HECW1: variants seen among roughly 807,000 people sequenced by gnomAD.
HECW1 encodes E3 ubiquitin-protein ligase HECW1.
A neutral mutation model predicts 182.3 loss-of-function variants in HECW1; 61 were observed. The ratio of observed to expected loss-of-function variants is 0.33; its 90% CI spans 0.27 to 0.41. The LOEUF (loss-of-function observed/expected upper bound fraction) is 0.41. Ranked by LOEUF, HECW1 falls within the 10% of genes least tolerant of loss-of-function variation. HECW1 has a pLI of 1.00. For missense variants in HECW1, 1,739 were observed against 2,108.9 expected (o/e 0.82, Z 3.44); for synonymous variants, 859 against 832.6 (o/e 1.03, Z -0.55).
At chr7:43,547,392 CA>C (rs1395874629) in intron 26 of HECW1, among the ~76,000 whole-genome samples, 2 of 151,572 alleles carry the variant, frequency 1.3e-5, no homozygotes, top group Non-Finnish European at 1.5e-5. Flanking sequence ...ACTAAAAATA[CA>C]AAAATTAACC....
rs144158826 is a variant in HECW1, at chr7:43,263,086, G to A, written c.27+19154G>A. The stretch of plus-strand genomic sequence containing the variant: ...TAATTTCTTCTTATCTGCATTTTCC[G>A]CAATTACTTACCTGTGCGATGAAAA... On this transcript the variant is annotated intron_variant, in intron 3 of 29. Transcript: ENST00000395891. Among the ~76,000 whole-genome samples the A allele has an allele frequency of 4.1e-3, 631 of 152,190 alleles. 3 individuals carry two copies. Among genetic ancestry groups the A allele is most frequent in the African/African-American group, 0.015 (609 of 41,528 alleles).
chr7:43,396,528 A>G (rs1242077655), intron 6 of HECW1: 1 of 293,454 alleles, frequency 3.4e-6, no homozygotes, highest in Non-Finnish European at 6.5e-6. Context: ...GTGAAAAGAC[A>G]TGGTTTGCAT....
intron 19 of HECW1, among the ~76,000 whole-genome samples, chr7:43,497,031 T>C (rs1337949220): frequency 6.6e-6 from 1 of 152,204 alleles, no homozygotes; most frequent in East Asian, 1.9e-4. Context: ...TTAAGCCATA[T>C]ACAGCTGCAT....
chr7:43,302,336 G>A (rs1806930847), intron 3 of HECW1, among the ~76,000 whole-genome samples: 2 of 152,356 alleles, frequency 1.3e-5, no homozygotes, highest in South Asian at 2.1e-4. Context: ...TGCGTGGTCA[G>A]GGCAGGCAGC....
intron 8 of HECW1, among the ~76,000 whole-genome samples, chr7:43,427,811 T>C (rs543874023): frequency 2.6e-5 from 4 of 152,314 alleles, no homozygotes; most frequent in African/African-American, 9.6e-5. Flanking sequence ...CCATGACACC[T>C]GACCCTCTCC....
At chr7:43,411,737 C>T (rs539252107) in intron 8 of HECW1, among the ~76,000 whole-genome samples, 1 of 152,182 alleles carries the variant, frequency 6.6e-6, no homozygotes, top group South Asian at 2.1e-4. Context: ...TTTGGTAGTG[C>T]TCCTTGTCTT....
intron 2 of HECW1, among the ~76,000 whole-genome samples, chr7:43,239,424 C>T (rs778121612): frequency 5.3e-5 from 8 of 152,184 alleles, no homozygotes; most frequent in Middle Eastern, 3.4e-3. Context: ...CTTCATGTAC[C>T]GGGTTGGTTG....
At chr7:43,114,723 C>G (rs961655831) in intron 2 of HECW1, among the ~76,000 whole-genome samples, 1 of 134,966 alleles carries the variant, frequency 7.4e-6, no homozygotes, top group Admixed American at 7.2e-5. Flanking sequence ...TGTGGAATGA[C>G]AGTTCTCTTT....
At chr7:43,529,462 A>G (rs1383587048) in intron 24 of HECW1, among the ~76,000 whole-genome samples, 1 of 152,138 alleles carries the variant, frequency 6.6e-6, no homozygotes, top group South Asian at 2.1e-4. Context: ...GAAAGGGTAC[A>G]ATTCTAAATC....
chr7:43,113,671 A>AGC (rs749352462), intron 1 of HECW1: 93 of 118,238 alleles, frequency 7.9e-4, no homozygotes, highest in East Asian at 3.0e-3. Context: ...CGGGGCGGGG[A>AGC]GGGGGGGGGA....
Position 43,312,035 on chromosome 7 carries a change from G to T in HECW1, c.300G>T (p.Trp100Cys). 3.7e-6 allele frequency: 6 copies of T among 1,614,214 alleles called. No individual in the cohort carries two copies. Among genetic ancestry groups the T allele is most frequent in the Non-Finnish European group, 5.1e-6 (6 of 1,180,032 alleles). Reference sequence around the variant, plus strand: ...ACTCTCAGGACCTGGTCATCCACTGGGACATAAAGGAGGAAGTGGACGCTG... The same window carrying T: ...ACTCTCAGGACCTGGTCATCCACTGTGACATAAAGGAGGAAGTGGACGCTG... ...IGHSQDLVIHWDIKEEVDAGD... is the reference protein window; with the variant it reads ...IGHSQDLVIHCDIKEEVDAGD... The change falls in exon 4 of 30, where the codon TGG (tryptophan) becomes TGT (cysteine). Residue 100 changes from tryptophan (W) to cysteine (C), a missense_variant. Transcript: ENST00000395891.
intron 2 of HECW1, among the ~76,000 whole-genome samples, chr7:43,157,951 C>T (rs927993835): frequency 5.9e-5 from 9 of 152,188 alleles, no homozygotes; most frequent in African/African-American, 2.2e-4. Flanking sequence ...TGAGTCCTTG[C>T]TCCCCTAAGA....
chr7:43,278,631 C>T (rs1178248254), intron 3 of HECW1, among the ~76,000 whole-genome samples: 1 of 152,186 alleles, frequency 6.6e-6, no homozygotes, highest in East Asian at 1.9e-4. Context: ...CCCTTCCCCT[C>T]CTCTCTCTCC....
chr7:43,309,636 A>G (rs577784641), intron 3 of HECW1, among the ~76,000 whole-genome samples: 65 of 152,194 alleles, frequency 4.3e-4, no homozygotes, highest in Non-Finnish European at 7.1e-4. Context: ...ATCCTACTCA[A>G]TCGTAAACCT....
intron 3 of HECW1, among the ~76,000 whole-genome samples, chr7:43,264,951 A>G (rs1348616938): frequency 6.6e-6 from 1 of 151,986 alleles, no homozygotes; most frequent in Admixed American, 6.6e-5. Context: ...GGAATACTGA[A>G]TTTGCTCCTC....
At chr7:43,552,922 G>A (rs572363573) in intron 28 of HECW1, among the ~76,000 whole-genome samples, 4 of 152,112 alleles carry the variant, frequency 2.6e-5, no homozygotes, top group South Asian at 2.1e-4. Flanking sequence ...CATATTGGTC[G>A]AGTCTCTGGC....
chr7:43,375,114 C>G (rs888255860), intron 6 of HECW1, among the ~76,000 whole-genome samples: 21 of 152,094 alleles, frequency 1.4e-4, no homozygotes, highest in African/African-American at 4.6e-4. Flanking sequence ...CCTTCAGTTT[C>G]TTGCATTGAA....
intron 17 of HECW1, among the ~76,000 whole-genome samples, chr7:43,484,801 A>G (rs558828398): frequency 6.6e-6 from 1 of 152,212 alleles, no homozygotes; most frequent in Non-Finnish European, 1.5e-5. Flanking sequence ...TTTCACTTGC[A>G]TTTTAAGGCG....
intron 8 of HECW1, among the ~76,000 whole-genome samples, chr7:43,415,728 C>A (rs1298322533): frequency 7.0e-6 from 1 of 142,708 alleles, no homozygotes; most frequent in Non-Finnish European, 1.5e-5. Context: ...TTGCTCATTT[C>A]TTTTTATTCT....
Sources: allele counts gnomAD v4.1 joint callset (sites outside exome capture counted in the v4.1 genomes callset), GRCh38; gene constraint gnomAD v4.1.1; transcripts MANE v1.5; gene names NCBI Gene and HGNC (gene_info 2026-07-23, HGNC 2026-07-21).